Variants in KCNQ1 observed in about 807,000 individuals in gnomAD.
The protein encoded by KCNQ1 is potassium voltage-gated channel subfamily KQT member 1.
KCNQ1 carries 49 observed loss-of-function variants against 72.4 expected under a neutral mutation model. That is an observed-to-expected ratio of 0.68 (90% CI 0.54 to 0.86). The LOEUF (loss-of-function observed/expected upper bound fraction) is 0.86. Among genes scored for constraint, KCNQ1 ranks in the 40% least tolerant of loss-of-function variants. The pLI is 0.00. For missense variants in KCNQ1, 790 were observed against 945.1 expected (o/e 0.84, Z 2.15); for synonymous variants, 450 against 412.6 (o/e 1.09, Z -1.10).
In KCNQ1 at chr11:2,478,749, A is replaced by C. The variant is rs371350061; in HGVS notation, c.386+33265A>C. ...ATGTCCTCACATTTCAAAACCAATC[A>C]TGCCTTCCCAACGGTGCCCCAAAGT... On this transcript the variant is annotated intron_variant, in intron 1 of 15. Coordinates refer to ENST00000155840, the MANE Select transcript of KCNQ1 (RefSeq NM_000218.3). This position sits in a 1 kb window ranked among gnomAD's most constrained non-coding sequence, Gnocchi z 4.0. 3.3e-5 allele frequency among the ~76,000 whole-genome samples: 5 copies of C among 152,110 alleles called. No homozygotes were observed. Among genetic ancestry groups the C allele is most frequent in the Non-Finnish European group, 5.9e-5 (4 of 68,014 alleles).
In KCNQ1 at chr11:2,473,754, C is replaced by T. The variant is rs955400943; in HGVS notation, c.386+28270C>T. 3.3e-5 allele frequency among the ~76,000 whole-genome samples: 5 copies of T among 152,202 alleles called. No individual in the cohort carries two copies. The highest frequency in any genetic ancestry group is 4.8e-5 in the African/African-American group (2 of 41,464). On this transcript the variant is annotated intron_variant, in intron 1 of 15. Transcript: ENST00000155840. The surrounding 1 kb of genome is among the most constrained non-coding windows in gnomAD (Gnocchi z 6.0). ...ATGGCAGCCTGCAGGTTGAAGCCCC[C>T]GACAGCTGGGGGAGGCATTGCTCTG...
rs1172973027 is a variant in KCNQ1 at position 2,507,868 on chromosome 11, T to C, written c.387-20060T>C. 6.6e-6 allele frequency among the ~76,000 whole-genome samples: 1 copy of C among 152,132 alleles called. No homozygotes were observed. Among genetic ancestry groups the C allele is most frequent in the Admixed American group, 6.5e-5 (1 of 15,270 alleles). On this transcript the variant is annotated intron_variant, in intron 1 of 15. Transcript: ENST00000155840. The surrounding 1 kb of genome is among the most constrained non-coding windows in gnomAD (Gnocchi z 5.4). ...GGCAAGTCCGGGAGGTTGGGTGTCC[T>C]GCAGCCTCCACAGGGGCAATGGAGG...
chr11:2,741,013 C>G (rs764008375), intron 11 of KCNQ1, among the ~76,000 whole-genome samples: 1 of 152,180 alleles, frequency 6.6e-6, no homozygotes, highest in Non-Finnish European at 1.5e-5. Context: ...GTGACGCATG[C>G]GTGAGTTCCA....
chr11:2,629,886 C>A (rs779854283), intron 10 of KCNQ1: 2 of 398,216 alleles, frequency 5.0e-6, no homozygotes, highest in Non-Finnish European at 8.9e-6. Context: ...AATTTTACTT[C>A]CTTCTTTCTG....
intron 11 of KCNQ1, among the ~76,000 whole-genome samples, chr11:2,718,583 G>C (rs1409076548): frequency 6.6e-6 from 1 of 152,210 alleles, no homozygotes; most frequent in Non-Finnish European, 1.5e-5. Context: ...AGGCTCCTTG[G>C]AGCACATGCA....
intron 15 of KCNQ1, among the ~76,000 whole-genome samples, chr11:2,842,944 C>T (rs1848244090): frequency 6.6e-6 from 1 of 152,236 alleles, no homozygotes; most frequent in African/African-American, 2.4e-5. Flanking sequence ...GTGACTTGCC[C>T]AAGGTCACCC....
rs1846868982 is a variant in KCNQ1, at chr11:2,493,647, C to G, written c.387-34281C>G. Among the ~76,000 whole-genome samples, 1 of 152,106 alleles carries G rather than the reference C, an allele frequency of 6.6e-6. No individual in the cohort carries two copies. Among genetic ancestry groups the G allele is most frequent in the South Asian group, 2.1e-4 (1 of 4,824 alleles). ...CTTTTTTGTCAGGTTGGTCAAAGATCAGATGATTTTAGGTGAGTGGTGTTA... is the reference window on the plus strand; with the variant it reads ...CTTTTTTGTCAGGTTGGTCAAAGATGAGATGATTTTAGGTGAGTGGTGTTA... On this transcript the variant is annotated intron_variant, in intron 1 of 15. Transcript: ENST00000155840. The surrounding 1 kb of genome is among the most constrained non-coding windows in gnomAD (Gnocchi z 5.3).
chr11:2,807,821 T>C (rs2134035399), intron 15 of KCNQ1, among the ~76,000 whole-genome samples: 1 of 152,182 alleles, frequency 6.6e-6, no homozygotes, highest in East Asian at 1.9e-4. Flanking sequence ...GTGGCCACCT[T>C]CCCTGCCCAC....
At chr11:2,577,432 G>C (rs548004153) in intron 6 of KCNQ1, among the ~76,000 whole-genome samples, 2 of 152,326 alleles carry the variant, frequency 1.3e-5, no homozygotes, top group African/African-American at 4.8e-5. Context: ...CCGGCAGGGC[G>C]CTGAGCCTGG....
rs891046782 is a variant in KCNQ1, at chr11:2,809,195, TTTTC to T, written c.1794+31162_1794+31165del. On this transcript the variant is annotated intron_variant, in intron 15 of 15. Transcript: ENST00000155840. This position sits in a 1 kb window ranked among gnomAD's most constrained non-coding sequence, Gnocchi z 7.1. The stretch of plus-strand genomic sequence containing the variant: ...CCTGCAGCTTTTGAATTGTTGATTT[TTTTC>T]TTTTTTTAAGAAGAAACCAAAGTAA... Among the ~76,000 whole-genome samples the T allele has an allele frequency of 1.2e-3, 179 of 152,308 alleles. No homozygotes were observed. Among genetic ancestry groups the T allele is most frequent in the African/African-American group, 3.6e-3 (150 of 41,560 alleles).
At chr11:2,533,566 G>C (rs944654988) in intron 2 of KCNQ1, among the ~76,000 whole-genome samples, 3 of 152,258 alleles carry the variant, frequency 2.0e-5, no homozygotes, top group Admixed American at 6.5e-5. Context: ...CTCAGTGTAC[G>C]TGTGCGTGCC....
intron 10 of KCNQ1, chr11:2,610,308 G>A (rs1165641631): frequency 2.5e-6 from 1 of 397,896 alleles, no homozygotes; most frequent in African/African-American, 2.1e-5. Flanking sequence ...TTGTGGTATT[G>A]TTACATATAT....
At chr11:2,587,715 G>T (rs950559791) in intron 9 of KCNQ1, 23 bp downstream of exon 9, 20 of 1,613,352 alleles carry the variant, frequency 1.2e-5, no homozygotes, top group Non-Finnish European at 1.6e-5. Flanking sequence ...CCTGCCACCA[G>T]GGCAGGGCCT....
intron 2 of KCNQ1, among the ~76,000 whole-genome samples, chr11:2,555,862 G>A (rs1848062335): frequency 6.6e-6 from 1 of 152,206 alleles, no homozygotes; most frequent in South Asian, 2.1e-4. Flanking sequence ...GAGAGACAGG[G>A]CCCACTTTCT....
intron 1 of KCNQ1, among the ~76,000 whole-genome samples, chr11:2,472,137 G>A (rs1181178151): frequency 2.0e-5 from 3 of 149,226 alleles, no homozygotes; most frequent in Non-Finnish European, 3.0e-5. Context: ...CATGCGTATA[G>A]GTGTGTGTGT....
At chr11:2,619,859 TAA>T (rs1849135410) in intron 10 of KCNQ1, 1 of 398,506 alleles carries the variant, frequency 2.5e-6, no homozygotes, top group Non-Finnish European at 4.4e-6. Flanking sequence ...GGGGTTTTTT[TAA>T]CTTTTATTTT....
chr11:2,587,815 G>A (rs1484080274), intron 9 of KCNQ1, 123 bp downstream of exon 9: 2 of 1,384,100 alleles, frequency 1.4e-6, no homozygotes, highest in Non-Finnish European at 2.0e-6. Flanking sequence ...GTGTCAGGGA[G>A]TCAGCATCGT....
chr11:2,725,640 C>CGCCCT lies in KCNQ1; in HGVS notation c.1515-43195_1515-43191dup, dbSNP rs955887863. On this transcript the variant is annotated intron_variant, in intron 11 of 15. Coordinates refer to ENST00000155840, the MANE Select transcript of KCNQ1 (RefSeq NM_000218.3). The surrounding 1 kb of genome is among the most constrained non-coding windows in gnomAD (Gnocchi z 7.2). ...AACGTACCCTTTCCATGAGGCTGGGCGCCCTGCCCTGCCTTCAGTGCCAAA... is the reference window on the plus strand; with the variant it reads ...AACGTACCCTTTCCATGAGGCTGGGCGCCCTGCCCTGCCCTGCCTTCAGTGCCAAA... 1.3e-5 allele frequency among the ~76,000 whole-genome samples: 2 copies of CGCCCT among 152,204 alleles called. No homozygotes were observed. Among genetic ancestry groups the CGCCCT allele is most frequent in the Non-Finnish European group, 2.9e-5 (2 of 68,028 alleles).
At position 2,677,143 on chromosome 11, in the gene KCNQ1, C is replaced by T. The variant is rs1850307600; in HGVS notation, c.1514+15062C>T. ...CCCTGAAACATCCCTCCCTATTGAA[C>T]ACTGTTGTTTCTCCCTATCCATCTT... On this transcript the variant is annotated intron_variant, in intron 11 of 15. Transcript: ENST00000155840. This position sits in a 1 kb window ranked among gnomAD's most constrained non-coding sequence, Gnocchi z 4.5. 2.5e-6 allele frequency: 1 copy of T among 398,458 alleles called. No homozygotes were observed. Among genetic ancestry groups the T allele is most frequent in the Non-Finnish European group, 4.4e-6 (1 of 226,074 alleles). The allele number at this position is 398,458 out of a possible 1,614,324, so 24.7% of individuals were successfully genotyped here.
Sources: allele counts gnomAD v4.1 joint callset (sites outside exome capture counted in the v4.1 genomes callset), GRCh38; gene constraint gnomAD v4.1.1; non-coding constraint Gnocchi (gnomAD v3.1); transcripts MANE v1.5; gene names NCBI Gene and HGNC (gene_info 2026-07-23, HGNC 2026-07-21).